The following BANK1 variants were observed in gnomAD, a reference collection of about 807,000 sequenced individuals.
The protein encoded by BANK1 is B-cell scaffold protein with ankyrin repeats.
BANK1 carries 95 observed loss-of-function variants against 94.5 expected under a neutral mutation model. The observed-to-expected ratio is 1.00, with a 90% CI of 0.85 to 1.19. The LOEUF is 1.19. BANK1 is among the 50% of genes most tolerant of loss of function. The pLI is 0.00. For missense variants in BANK1, 987 were observed against 932.2 expected (o/e 1.06, Z -0.77); for synonymous variants, 334 against 308.4 (o/e 1.08, Z -0.87).
chr4:102,041,626 G>T (rs1727705107), intron 10 of BANK1, among the ~76,000 whole-genome samples: 1 of 151,794 alleles, frequency 6.6e-6, no homozygotes, highest in African/African-American at 2.4e-5. Context: ...TTAAACTCTG[G>T]GCATGACCTA....
chr4:101,855,297 T>C, intron 3 of BANK1, 108 bp downstream of exon 3: 2 of 1,103,668 alleles, frequency 1.8e-6, no homozygotes, highest in Non-Finnish European at 2.5e-6. Context: ...CAGGCTGGTC[T>C]TTAACTCCTG....
intron 13 of BANK1, among the ~76,000 whole-genome samples, chr4:102,067,896 T>C (rs1265758554): frequency 6.6e-6 from 1 of 151,982 alleles, no homozygotes; most frequent in African/African-American, 2.4e-5. Context: ...ATAGGCTAGA[T>C]GATCAAAAAA....
intron 6 of BANK1, among the ~76,000 whole-genome samples, chr4:101,916,854 C>T (rs1307102111): frequency 2.6e-5 from 4 of 151,838 alleles, no homozygotes; most frequent in Non-Finnish European, 5.9e-5. Context: ...CTATTTACAC[C>T]TTGGTAATAA....
Position 102,072,353 on chromosome 4 carries a change from A to G in BANK1, c.2251A>G (p.Thr751Ala). 1 of 1,592,348 alleles carries G rather than the reference A, an allele frequency of 6.3e-7. No homozygotes were observed. Among genetic ancestry groups the G allele is most frequent in the Non-Finnish European group, 8.6e-7 (1 of 1,161,202 alleles). Reference sequence around the variant, plus strand: ...TGAGTTTGTATTTCTAGGTAAGGAAACTGCCCACAATGAAAATAAGTTTTA... The same window carrying G: ...TGAGTTTGTATTTCTAGGTAAGGAAGCTGCCCACAATGAAAATAAGTTTTA... ...TIVHHPGGKE[T>A]AHNENKFYNV... The change falls in exon 15 of 17, where the codon ACT becomes GCT. Residue 751 changes from threonine to alanine, a missense_variant. By Grantham distance (58) the Thr-to-Ala change is moderately conservative. Coordinates refer to ENST00000322953, the MANE Select transcript of BANK1 (RefSeq NM_017935.5).
intron 13 of BANK1, among the ~76,000 whole-genome samples, chr4:102,070,828 G>A (rs185495267): frequency 5.2e-4 from 79 of 152,242 alleles, no homozygotes; most frequent in Admixed American, 3.7e-3. Flanking sequence ...AATATTCTAC[G>A]GAGATAAAAT....
intron 1 of BANK1, among the ~76,000 whole-genome samples, chr4:101,809,039 C>G (rs1342830132): frequency 1.3e-5 from 2 of 152,178 alleles, no homozygotes; most frequent in Non-Finnish European, 2.9e-5. Context: ...GAAAAAGACA[C>G]ATGGACACAT....
intron 2 of BANK1, among the ~76,000 whole-genome samples, chr4:101,836,546 CA>C (rs562537298): frequency 6.6e-6 from 1 of 152,052 alleles, no homozygotes; most frequent in African/African-American, 2.4e-5. Context: ...TTCTCAACCT[CA>C]AAAAAACCCC....
At position 101,826,320 on chromosome 4, in the gene BANK1, G is replaced by A. The variant is rs189044891; in HGVS notation, c.71-3488G>A. Among the ~76,000 whole-genome samples the A allele has an allele frequency of 2.0e-4, 31 of 151,996 alleles. No homozygotes were observed. In the East Asian group the frequency reaches 4.2e-3, roughly 21 times the overall value. On this transcript the variant is annotated intron_variant, in intron 1 of 16. Coordinates refer to ENST00000322953, the MANE Select transcript of BANK1 (RefSeq NM_017935.5). ...TAGAAGTTAAAAGTATAGGGTATAG[G>A]GCAGACTGCCCGCATTGGAGTCCTG...
At chr4:101,863,022 T>C (rs899535971) in intron 4 of BANK1, among the ~76,000 whole-genome samples, 63 of 152,116 alleles carry the variant, frequency 4.1e-4, no homozygotes, top group African/African-American at 1.5e-3. Flanking sequence ...GTTTTATTAA[T>C]AAACTCTATT....
intron 7 of BANK1, among the ~76,000 whole-genome samples, chr4:101,926,211 G>T (rs1723146813): frequency 6.6e-6 from 1 of 151,506 alleles, no homozygotes; most frequent in Non-Finnish European, 1.5e-5. Flanking sequence ...CATATGAAAA[G>T]AATCAGACTT....
At position 102,030,205 on chromosome 4, in the gene BANK1, C is replaced by T; in HGVS notation, c.1840C>T (p.Pro614Ser). The T allele has an allele frequency of 6.2e-7, 1 of 1,613,256 alleles. No homozygotes were observed. The highest frequency in any genetic ancestry group is 2.2e-5 in the East Asian group (1 of 44,872). The change falls in exon 10 of 17, where the codon CCC becomes TCC. Residue 614 changes from proline (P) to serine (S), a missense_variant. By Grantham distance (74) the Pro-to-Ser change is moderately conservative. Transcript: ENST00000322953. ...TTTCATTATAAATAGACCTCCTGCC[C>T]CCACACCCCGACCCACAAGTATACC... ...RSFIINRPPA[P>S]TPRPTSIPPK...
intron 7 of BANK1, among the ~76,000 whole-genome samples, chr4:101,977,838 T>C (rs1184388407): frequency 6.6e-6 from 1 of 152,186 alleles, no homozygotes; most frequent in Non-Finnish European, 1.5e-5. Flanking sequence ...AATACCTGAT[T>C]CTATTTAGTG....
chr4:102,025,554 C>T, intron 9 of BANK1, 45 bp downstream of exon 9: 1 of 1,559,536 alleles, frequency 6.4e-7, no homozygotes, highest in South Asian at 1.2e-5. Flanking sequence ...AAAGACAAAT[C>T]TTTGACAGGC....
chr4:101,865,144 C>T (rs750540456), intron 4 of BANK1, among the ~76,000 whole-genome samples: 16 of 152,080 alleles, frequency 1.1e-4, no homozygotes, highest in Admixed American at 9.8e-4. Context: ...CACACCAACA[C>T]GTCATACTTT....
chr4:101,890,497 T>A (rs1721824269), intron 5 of BANK1, among the ~76,000 whole-genome samples: 2 of 150,806 alleles, frequency 1.3e-5, no homozygotes, highest in South Asian at 4.2e-4. Flanking sequence ...CCTTTGTAAT[T>A]TTTGCATGCT....
At chr4:101,958,244 T>C (rs921787236) in intron 7 of BANK1, among the ~76,000 whole-genome samples, 7 of 152,276 alleles carry the variant, frequency 4.6e-5, no homozygotes, top group Non-Finnish European at 8.8e-5. Flanking sequence ...ATTTACTGAA[T>C]CCTTACAGTA....
chr4:102,043,501 T>G (rs1019356279), intron 10 of BANK1, among the ~76,000 whole-genome samples: 5 of 152,064 alleles, frequency 3.3e-5, no homozygotes, highest in African/African-American at 1.2e-4. Flanking sequence ...GCAAATGGAA[T>G]TTTTCATATG....
chr4:101,861,153 C>A (rs1234458977), intron 3 of BANK1, among the ~76,000 whole-genome samples: 1 of 152,030 alleles, frequency 6.6e-6, no homozygotes, highest in South Asian at 2.1e-4. Flanking sequence ...TCCCGATGAG[C>A]GTTGTAAATT....
At chr4:102,043,510 T>A (rs942938927) in intron 10 of BANK1, among the ~76,000 whole-genome samples, 1 of 152,086 alleles carries the variant, frequency 6.6e-6, no homozygotes. Flanking sequence ...ATTTTTCATA[T>A]GATTTTAACA....
Sources: allele counts gnomAD v4.1 joint callset (sites outside exome capture counted in the v4.1 genomes callset), GRCh38; gene constraint gnomAD v4.1.1; transcripts MANE v1.5; gene names NCBI Gene and HGNC (gene_info 2026-07-23, HGNC 2026-07-21).